The following BMPR2 variants were observed in gnomAD, a reference collection of about 807,000 sequenced individuals.
BMPR2 encodes bone morphogenetic protein receptor type 2.
Under a neutral mutation model 100.8 loss-of-function variants are expected in BMPR2, and 29 were observed. The observed-to-expected ratio is 0.29, with a 90% confidence interval of 0.21 to 0.39. The LOEUF (loss-of-function observed/expected upper bound fraction) is 0.39, where lower values mean the gene tolerates loss of function less well. BMPR2 is among the 10% of genes least tolerant of loss of function. The pLI is 1.00. For synonymous variants in BMPR2, 382 were observed against 442.3 expected, an observed-to-expected ratio of 0.86 and a Z score of 1.71; for missense variants, 1,011 against 1,274.5, an observed-to-expected ratio of 0.79 and a Z score of 3.15.
At position 202,555,747 on chromosome 2, in the gene BMPR2, T is replaced by C. The variant is rs1688556896; in HGVS notation, c.2082T>C (p.Ser694=). Residue 694 remains serine (S), a synonymous_variant, in exon 12 of 13, where the codon AGT becomes AGC. Transcript: ENST00000374580. ...NLMEHSLKQF[S]GPDPLSSTSS... ...TGGAGCACTCTCTTAAACAGTTCAG[T>C]GGCCCAGACCCACTGAGCAGTACTA... The C allele has an allele frequency of 6.2e-7, 1 of 1,614,174 alleles. No homozygotes were observed. The highest frequency in any genetic ancestry group is 8.5e-7 in the Non-Finnish European group (1 of 1,180,034).
At chr2:202,468,680 G>T (rs1441914840) in intron 3 of BMPR2, among the ~76,000 whole-genome samples, 1 of 152,146 alleles carries the variant, frequency 6.6e-6, no homozygotes, top group Non-Finnish European at 1.5e-5. Flanking sequence ...AAATGTCCAA[G>T]AATAGGAGAT....
intron 1 of BMPR2, among the ~76,000 whole-genome samples, chr2:202,449,622 T>C (rs1219547967): frequency 6.6e-6 from 1 of 152,186 alleles, no homozygotes; most frequent in African/African-American, 2.4e-5. Flanking sequence ...ACTGAGTCTC[T>C]AATGAGCTTC....
At chr2:202,446,701 G>A (rs755383147) in intron 1 of BMPR2, among the ~76,000 whole-genome samples, 1 of 148,966 alleles carries the variant, frequency 6.7e-6, no homozygotes, top group African/African-American at 2.6e-5. Context: ...GCTCAGGCTG[G>A]AGTGCAGTGG....
intron 3 of BMPR2, among the ~76,000 whole-genome samples, chr2:202,499,335 G>A (rs942406500): frequency 6.6e-6 from 1 of 152,210 alleles, no homozygotes; most frequent in Non-Finnish European, 1.5e-5. Context: ...CGAGAGTTTG[G>A]AGATACCTGG....
intron 7 of BMPR2, among the ~76,000 whole-genome samples, chr2:202,525,238 G>C (rs1687888128): frequency 2.0e-5 from 3 of 151,714 alleles, no homozygotes; most frequent in Admixed American, 1.3e-4. Context: ...TTTGAGATGA[G>C]TCTCGCTCTG....
intron 3 of BMPR2, among the ~76,000 whole-genome samples, chr2:202,478,077 A>G (rs1421200345): frequency 6.6e-6 from 1 of 152,202 alleles, no homozygotes; most frequent in Non-Finnish European, 1.5e-5. Flanking sequence ...TAGGTTGAAG[A>G]AGGCTATGCT....
intron 1 of BMPR2, among the ~76,000 whole-genome samples, chr2:202,383,442 A>C (rs947374983): frequency 2.0e-5 from 3 of 152,202 alleles, no homozygotes; most frequent in Non-Finnish European, 2.9e-5. Flanking sequence ...GCACTTTGGG[A>C]GGCCAAGGTG....
chr2:202,550,115 A>T (rs1688449902), intron 10 of BMPR2, among the ~76,000 whole-genome samples: 1 of 152,120 alleles, frequency 6.6e-6, no homozygotes, highest in Admixed American at 6.5e-5. Context: ...CACGCCTGTA[A>T]TCCCAGCACT....
chr2:202,403,079 C>T (rs891951385), intron 1 of BMPR2, among the ~76,000 whole-genome samples: 13 of 152,128 alleles, frequency 8.5e-5, no homozygotes, highest in African/African-American at 2.2e-4. Context: ...CCACCCTCCT[C>T]GGCCTCCCAA....
chr2:202,482,048 C>CT (rs1216111284), intron 3 of BMPR2, among the ~76,000 whole-genome samples: 3 of 152,274 alleles, frequency 2.0e-5, no homozygotes, highest in East Asian at 1.9e-4. Context: ...TTTGACTACT[C>CT]TAAGTATATC....
chr2:202,519,744 A>G (rs1035304295), intron 6 of BMPR2, among the ~76,000 whole-genome samples: 1 of 152,232 alleles, frequency 6.6e-6, no homozygotes, highest in African/African-American at 2.4e-5. Context: ...TTTTCTACTT[A>G]TTAACCATAA....
intron 1 of BMPR2, among the ~76,000 whole-genome samples, chr2:202,430,960 C>CAAA (rs781320204): frequency 1.0e-5 from 1 of 99,980 alleles, no homozygotes; most frequent in Non-Finnish European, 2.1e-5. Context: ...ACTCTGTCTC[C>CAAA]AAAAAAAAAA....
chr2:202,394,221 A>G (rs1234680801), intron 1 of BMPR2, among the ~76,000 whole-genome samples: 1 of 152,110 alleles, frequency 6.6e-6, no homozygotes, highest in Non-Finnish European at 1.5e-5. Context: ...GCATGGCGGC[A>G]GGAACCTGTA....
chr2:202,451,828 C>G (rs538336060), intron 1 of BMPR2, among the ~76,000 whole-genome samples: 1 of 152,244 alleles, frequency 6.6e-6, no homozygotes, highest in South Asian at 2.1e-4. Context: ...CAGCTCACCA[C>G]AACCACCATC....
chr2:202,546,670 C>A (rs1688381040), intron 10 of BMPR2, among the ~76,000 whole-genome samples: 1 of 152,214 alleles, frequency 6.6e-6, no homozygotes, highest in Non-Finnish European at 1.5e-5. Context: ...GTGGCGCAAT[C>A]TCAGCTCACT....
chr2:202,410,571 C>CCTAT (rs566812894), intron 1 of BMPR2, among the ~76,000 whole-genome samples: 1 of 152,050 alleles, frequency 6.6e-6, no homozygotes, highest in African/African-American at 2.4e-5. Flanking sequence ...GAAAGGACAG[C>CCTAT]CTATCTATCT....
chr2:202,416,956 C>G (rs1258529086), intron 1 of BMPR2, among the ~76,000 whole-genome samples: 1 of 150,886 alleles, frequency 6.6e-6, no homozygotes. Context: ...CCTGTCTCAG[C>G]CTCCCGAGTA....
chr2:202,442,089 T>C (rs533574132), intron 1 of BMPR2, among the ~76,000 whole-genome samples: 3 of 150,578 alleles, frequency 2.0e-5, no homozygotes, highest in Non-Finnish European at 4.4e-5. Flanking sequence ...AAATGTTTTC[T>C]TGGGGGAGTC....
At position 202,393,932 on chromosome 2, in the gene BMPR2, A is replaced by AGAGAGATT. The variant is rs1553494924; in HGVS notation, c.76+16384_76+16385insGAGATTGA. 1.3e-3 allele frequency among the ~76,000 whole-genome samples: 164 copies of AGAGAGATT among 123,000 alleles called. 1 individual carries two copies. The highest frequency in any genetic ancestry group is 5.0e-3 in the African/African-American group (157 of 31,112). 80.7% of individuals were successfully genotyped at this position (123,000 alleles called of 152,430 possible). A position where few individuals can be genotyped will look rare whatever the true frequency, so the allele number is the denominator to read the frequency against. ...GAGAGAGAGAGAGAGAGAGAGAGAG[A>AGAGAGATT]GATTCCTGTGAGATTCAGCTGAGTC... is the stretch of plus-strand genomic sequence containing the variant. On this transcript the variant is annotated intron_variant, in intron 1 of 12. Coordinates refer to ENST00000374580, the MANE Select transcript of BMPR2 (RefSeq NM_001204.7).
Sources: gnomAD v4.1 joint callset for allele counts (sites outside exome capture counted in the v4.1 genomes callset) on GRCh38, gnomAD v4.1.1 for gene constraint, MANE v1.5 for transcripts, NCBI Gene and HGNC (gene_info 2026-07-23, HGNC 2026-07-21) for gene names.